The following FAM107B variants were observed in gnomAD, a reference collection of about 807,000 sequenced individuals.
FAM107B encodes family with sequence similarity 107 member B, also known as protein FAM107B.
In FAM107B, 21 loss-of-function variants were observed where a neutral mutation model predicts 31.5. That is an observed-to-expected ratio of 0.67 (90% CI 0.47 to 0.96). FAM107B has a LOEUF of 0.96. Among genes scored for constraint, FAM107B ranks in the 40% least tolerant of loss-of-function variants. The probability of loss-of-function intolerance (pLI) is 0.00; values close to 1 mark genes in which losing one functional copy is unlikely to be tolerated. For missense variants in FAM107B, 452 were observed against 377.1 expected (o/e 1.20, Z -1.64); for synonymous variants, 157 against 141.5 (o/e 1.11, Z -0.78).
At chr10:14,754,516 C>T (rs1047113736) in intron 1 of FAM107B, among the ~76,000 whole-genome samples, 2 of 152,214 alleles carry the variant, frequency 1.3e-5, no homozygotes, top group African/African-American at 4.8e-5. Flanking sequence ...TCATCTCTCT[C>T]TTCCAGCTGA....
chr10:14,762,927 G>A (rs1175937858), intron 1 of FAM107B, among the ~76,000 whole-genome samples: 1 of 152,100 alleles, frequency 6.6e-6, no homozygotes, highest in Non-Finnish European at 1.5e-5. Context: ...GAGTACTGTT[G>A]TATTCCTATA....
At chr10:14,548,665 G>C in intron 2 of FAM107B, 2 of 985,282 alleles carry the variant, frequency 2.0e-6, no homozygotes, top group Non-Finnish European at 2.4e-6. Context: ...GAAGCCCCCG[G>C]GGGCCTTCCT....
intron 2 of FAM107B, chr10:14,554,133 C>T: frequency 3.0e-6 from 3 of 985,396 alleles, no homozygotes; most frequent in Non-Finnish European, 3.6e-6. Context: ...ATAAGCTGGC[C>T]TCGCCTGTTC....
At chr10:14,697,623 C>A (rs1294683815) in intron 1 of FAM107B, among the ~76,000 whole-genome samples, 2 of 152,204 alleles carry the variant, frequency 1.3e-5, no homozygotes, top group African/African-American at 2.4e-5. Flanking sequence ...CAAAGGTGTT[C>A]TTGAAAGCTA....
At chr10:14,733,498 G>A (rs1856222082) in intron 1 of FAM107B, among the ~76,000 whole-genome samples, 1 of 152,170 alleles carries the variant, frequency 6.6e-6, no homozygotes, top group African/African-American at 2.4e-5. Flanking sequence ...TAAATGAAGG[G>A]TAGAGTGACA....
intron 1 of FAM107B, among the ~76,000 whole-genome samples, chr10:14,728,776 C>T (rs538386745): frequency 6.6e-6 from 1 of 152,314 alleles, no homozygotes; most frequent in East Asian, 1.9e-4. Flanking sequence ...CTTATTCAGC[C>T]TCCTTGGCTT....
intron 1 of FAM107B, among the ~76,000 whole-genome samples, chr10:14,684,771 T>C (rs1160490578): frequency 6.6e-6 from 1 of 152,186 alleles, no homozygotes; most frequent in African/African-American, 2.4e-5. Context: ...TCTCCATTTA[T>C]AAGGCGATAT....
At chr10:14,725,818 A>AT in intron 1 of FAM107B, among the ~76,000 whole-genome samples, 1 of 110,332 alleles carries the variant, frequency 9.1e-6, no homozygotes, top group African/African-American at 3.5e-5. Context: ...AAGCAGTCAA[A>AT]TCCTTTTTTT....
At chr10:14,591,626 G>A (rs954394742) in intron 2 of FAM107B, among the ~76,000 whole-genome samples, 7 of 152,146 alleles carry the variant, frequency 4.6e-5, no homozygotes, top group African/African-American at 1.4e-4. Flanking sequence ...ACGGCATTGG[G>A]AGAAAGATCG....
At chr10:14,537,317 CCT>C (rs1335747858) in intron 2 of FAM107B, among the ~76,000 whole-genome samples, 5 of 152,204 alleles carry the variant, frequency 3.3e-5, no homozygotes, top group Non-Finnish European at 7.3e-5. Flanking sequence ...GTAAGCTTCC[CCT>C]GTCACTTGGT....
intron 2 of FAM107B, chr10:14,571,993 T>A (rs1851266255): frequency 3.0e-6 from 3 of 985,402 alleles, no homozygotes; most frequent in Non-Finnish European, 3.6e-6. Flanking sequence ...GAATGCACCT[T>A]CTGACTGTGG....
chr10:14,606,987 G>A (rs756696669), intron 2 of FAM107B, among the ~76,000 whole-genome samples: 7 of 152,208 alleles, frequency 4.6e-5, no homozygotes, highest in Non-Finnish European at 7.3e-5. Context: ...AACCAAAGAT[G>A]CATTGGATTC....
At chr10:14,623,394 A>G (rs776238269) in intron 2 of FAM107B, among the ~76,000 whole-genome samples, 1 of 152,254 alleles carries the variant, frequency 6.6e-6, no homozygotes, top group Non-Finnish European at 1.5e-5. Context: ...GTGGCTAAAT[A>G]AAGATCTGGT....
chr10:14,641,275 A>G (rs530362113), intron 2 of FAM107B, among the ~76,000 whole-genome samples: 31 of 152,340 alleles, frequency 2.0e-4, no homozygotes, highest in African/African-American at 7.0e-4. Context: ...ATAAATGGAT[A>G]AAATGTATTT....
chr10:14,569,416 C>T (rs1446855041), intron 2 of FAM107B, among the ~76,000 whole-genome samples: 1 of 151,284 alleles, frequency 6.6e-6, no homozygotes, highest in Non-Finnish European at 1.5e-5. Flanking sequence ...TGTGTGTGTG[C>T]ATGCATGCAT....
intron 2 of FAM107B, among the ~76,000 whole-genome samples, chr10:14,547,798 C>T (rs991352467): frequency 6.6e-6 from 1 of 152,168 alleles, no homozygotes; most frequent in African/African-American, 2.4e-5. Context: ...TGTGTTTTTT[C>T]TGTAGGCTTA....
At position 14,534,366 on chromosome 10, in the gene FAM107B, C is replaced by T. The variant is rs79563080; in HGVS notation, c.470-3851G>A. Among the ~76,000 whole-genome samples, 1,197 of 152,230 alleles carry T rather than the reference C, an allele frequency of 7.9e-3. 18 individuals are homozygous for T. Among genetic ancestry groups the T allele is most frequent in the African/African-American group, 0.027 (1,136 of 41,528 alleles). Reference sequence around the variant, plus strand: ...CTGGGTTCCAGCTGCTTCTCAGTGACACCCCGCCCTGGAGCTGTGACTAAC... The same window carrying T: ...CTGGGTTCCAGCTGCTTCTCAGTGATACCCCGCCCTGGAGCTGTGACTAAC... On this transcript the variant is annotated intron_variant, in intron 2 of 4. Transcript: ENST00000181796.
intron 2 of FAM107B, among the ~76,000 whole-genome samples, chr10:14,534,459 T>G (rs1847391571): frequency 6.6e-6 from 1 of 152,180 alleles, no homozygotes; most frequent in African/African-American, 2.4e-5. Flanking sequence ...TCCTGCTCAC[T>G]GCTACCAACG....
In FAM107B at chr10:14,554,222, C is replaced by T. The variant is rs185530970; in HGVS notation, c.470-23707G>A. 42 of 882,980 alleles carry T rather than the reference C, an allele frequency of 4.8e-5. No homozygotes were observed. In the East Asian group the frequency reaches 1.9e-3, roughly 41 times the overall value. 54.7% of individuals were successfully genotyped at this position (882,980 alleles called of 1,614,324 possible). On this transcript the variant is annotated intron_variant, in intron 2 of 4. Transcript: ENST00000181796. ...GCCTTACTCCACAAACACACCTCCC[C>T]CACGAATACTTCCCACCTACCTTAT...
Sources: gnomAD v4.1 joint callset for allele counts (sites outside exome capture counted in the v4.1 genomes callset) on GRCh38, gnomAD v4.1.1 for gene constraint, MANE v1.5 for transcripts, NCBI Gene and HGNC (gene_info 2026-07-23, HGNC 2026-07-21) for gene names.